The following TRIM16 variants were observed in gnomAD, a reference collection of about 807,000 sequenced individuals.
TRIM16 encodes tripartite motif containing 16.
A neutral mutation model predicts 50.4 loss-of-function variants in TRIM16; 33 were observed. The observed-to-expected ratio is 0.65, with a 90% CI of 0.50 to 0.88. The LOEUF is 0.88. Ranked by LOEUF, TRIM16 falls within the 40% of genes least tolerant of loss-of-function variation. TRIM16 has a pLI of 0.00. For missense variants in TRIM16, 581 were observed against 686.8 expected (o/e 0.85, Z 1.72); for synonymous variants, 229 against 270.7 (o/e 0.85, Z 1.51).
chr17:15,668,359 C>T (rs1174025845), intron 6 of TRIM16, among the ~76,000 whole-genome samples: 2 of 152,176 alleles, frequency 1.3e-5, no homozygotes, highest in Non-Finnish European at 2.9e-5. Flanking sequence ...GGTGGGAGGG[C>T]TAGCCTAGTA....
intron 7 of TRIM16, among the ~76,000 whole-genome samples, chr17:15,645,146 C>G (rs530047362): frequency 6.6e-6 from 1 of 152,300 alleles, no homozygotes; most frequent in African/African-American, 2.4e-5. Flanking sequence ...TATCTCTAAA[C>G]TTCCATTTCT....
Position 15,650,978 on chromosome 17 carries a change from AG to A in TRIM16, c.519+112del, listed in dbSNP as rs1473156351. 17 of 1,402,656 alleles carry A rather than the reference AG, an allele frequency of 1.2e-5. No individual in the cohort carries two copies. The East Asian group carries it at 4.0e-4, about 33-fold the overall frequency. The allele number at this position is 1,402,656 out of a possible 1,614,324, so 86.9% of individuals were successfully genotyped here. A position where few individuals can be genotyped will look rare whatever the true frequency, so the allele number is the denominator to read the frequency against. On this transcript the variant is annotated intron_variant, in intron 7 of 11. Coordinates refer to ENST00000649191, the MANE Select transcript of TRIM16 (RefSeq NM_001348119.1). ...GCAGACGCTGAAGCTAGTCTTTTTC[AG>A]GTATGCTCAGAGCATAGTAGTGGCG...
chr17:15,675,568 TAA>T (rs1410322528), intron 6 of TRIM16: 1 of 171,966 alleles, frequency 5.8e-6, no homozygotes, highest in Non-Finnish European at 1.4e-5. Context: ...CCTACACCTG[TAA>T]AGACTGTAGG....
intron 7 of TRIM16, among the ~76,000 whole-genome samples, chr17:15,648,251 A>G (rs1011957483): frequency 4.2e-5 from 6 of 143,354 alleles, no homozygotes; most frequent in African/African-American, 1.8e-4. Flanking sequence ...CAAAAAACAA[A>G]CAAACAAACA....
intron 6 of TRIM16, among the ~76,000 whole-genome samples, chr17:15,665,063 A>G (rs1229288517): frequency 6.7e-6 from 1 of 149,082 alleles, no homozygotes; most frequent in Non-Finnish European, 1.5e-5. Context: ...AGGCATAGGC[A>G]GTTGGGTGGT....
intron 6 of TRIM16, chr17:15,658,946 G>T (rs1988094394): frequency 2.2e-6 from 2 of 895,828 alleles, no homozygotes; most frequent in Non-Finnish European, 2.7e-6. Context: ...ACGAAATAAA[G>T]GTGAGACAAA....
chr17:15,640,777 C>T (rs911016702), intron 8 of TRIM16, among the ~76,000 whole-genome samples: 2 of 148,164 alleles, frequency 1.3e-5, no homozygotes, highest in African/African-American at 5.0e-5. Flanking sequence ...TGTCCTAGTT[C>T]CCCGGCTTAC....
chr17:15,644,313 G>A (rs1391771810), intron 7 of TRIM16, among the ~76,000 whole-genome samples: 1 of 152,074 alleles, frequency 6.6e-6, no homozygotes, highest in Non-Finnish European at 1.5e-5. Context: ...AGCCTCCCGA[G>A]GAGCTGGGAC....
chr17:15,665,031 CAAAAA>C (rs10559243), intron 6 of TRIM16, among the ~76,000 whole-genome samples: 196 of 75,830 alleles, frequency 2.6e-3, no homozygotes, highest in African/African-American at 9.2e-3. Context: ...GACTCCGTCT[CAAAAA>C]AAAAAAAAAA....
intron 8 of TRIM16, among the ~76,000 whole-genome samples, chr17:15,639,030 C>G (rs1331232477): frequency 6.8e-6 from 1 of 147,028 alleles, no homozygotes; most frequent in African/African-American, 2.5e-5. Flanking sequence ...GACAATCTCC[C>G]TACATTCTCT....
intron 8 of TRIM16, among the ~76,000 whole-genome samples, chr17:15,639,362 C>T (rs1987012668): frequency 6.7e-6 from 1 of 148,460 alleles, no homozygotes; most frequent in Non-Finnish European, 1.5e-5. Context: ...CCTACATTCT[C>T]ATTTTTATGC....
rs534913790 is a variant in TRIM16 at position 15,630,964 on chromosome 17, A to C, written c.1111+655T>G. On this transcript the variant is annotated intron_variant, in intron 11 of 11. Coordinates refer to ENST00000649191, the MANE Select transcript of TRIM16 (RefSeq NM_001348119.1). ...AATCAAAAGCTACACGTGGATGTTCAACAATACGAGGGATTGGTATCCCAA... is the reference window on the plus strand; with the variant it reads ...AATCAAAAGCTACACGTGGATGTTCCACAATACGAGGGATTGGTATCCCAA... 3.9e-5 allele frequency among the ~76,000 whole-genome samples: 6 copies of C among 152,352 alleles called. No individual in the cohort carries two copies. In the South Asian group the frequency reaches 1.2e-3, roughly 32 times the overall value.
intron 8 of TRIM16, among the ~76,000 whole-genome samples, chr17:15,636,672 C>A (rs1051770029): frequency 8.5e-6 from 1 of 117,930 alleles, no homozygotes; most frequent in Non-Finnish European, 1.7e-5. Flanking sequence ...AATTAGCTTT[C>A]TTAGCATTTC....
chr17:15,668,131 G>C (rs1988577241), intron 6 of TRIM16, among the ~76,000 whole-genome samples: 1 of 152,142 alleles, frequency 6.6e-6, no homozygotes, highest in Non-Finnish European at 1.5e-5. Context: ...TCTGAACCCT[G>C]ATTTCCACAT....
Position 15,680,895 on chromosome 17 carries a change from C to T in TRIM16, c.-620G>A. 6.5e-7 allele frequency: 1 copy of T among 1,546,988 alleles called. No individual in the cohort carries two copies. On this transcript the variant is annotated 5_prime_UTR_variant, in exon 4 of 12. The change abolishes an upstream ATG in the 5' untranslated region. Coordinates refer to ENST00000649191, the MANE Select transcript of TRIM16 (RefSeq NM_001348119.1). ...ACTCTGCTGTCCGGCAAAGAGCAGC[C>T]ATATTTTCCTTCTTAAGATACCCCT...
At chr17:15,680,990 T>C in intron 3 of TRIM16, 37 bp from the exon 4 acceptor site, 1 of 1,394,810 alleles carries the variant, frequency 7.2e-7, no homozygotes, top group Non-Finnish European at 9.6e-7. Context: ...CTGGTTTATC[T>C]TTATGTATCT....
intron 7 of TRIM16, among the ~76,000 whole-genome samples, chr17:15,649,635 A>T (rs1264821888): frequency 6.6e-6 from 1 of 152,188 alleles, no homozygotes; most frequent in African/African-American, 2.4e-5. Context: ...CCAGTTAAAA[A>T]TAATAAAATT....
intron 7 of TRIM16, among the ~76,000 whole-genome samples, chr17:15,645,913 T>C (rs952056545): frequency 5.3e-5 from 8 of 152,120 alleles, no homozygotes; most frequent in South Asian, 2.1e-4. Context: ...TCCTGGAATC[T>C]TGAACTATGA....
chr17:15,681,539 C>CA (rs1418604465), intron 3 of TRIM16, among the ~76,000 whole-genome samples: 4 of 152,208 alleles, frequency 2.6e-5, no homozygotes, highest in Non-Finnish European at 5.9e-5. Flanking sequence ...GTGTACTTGG[C>CA]AGACAGCAGT....
Sources: allele counts gnomAD v4.1 joint callset (sites outside exome capture counted in the v4.1 genomes callset), GRCh38; gene constraint gnomAD v4.1.1; transcripts MANE v1.5; gene names NCBI Gene and HGNC (gene_info 2026-07-23, HGNC 2026-07-21).